IGF2BP2: variants seen among roughly 807,000 people sequenced by gnomAD.
IGF2BP2 encodes insulin like growth factor 2 mRNA binding protein 2.
A neutral mutation model predicts 75.8 loss-of-function variants in IGF2BP2; 17 were observed. That is an observed-to-expected ratio of 0.22 (90% CI 0.15 to 0.34). The LOEUF is 0.34. Among genes scored for constraint, IGF2BP2 ranks in the 10% least tolerant of loss-of-function variants. The probability of loss-of-function intolerance (pLI) is 1.00; values close to 1 mark genes in which losing one functional copy is unlikely to be tolerated. For missense variants in IGF2BP2, 516 were observed against 772.4 expected (o/e 0.67, Z 3.93); for synonymous variants, 288 against 295.6 (o/e 0.97, Z 0.26).
intron 5 of IGF2BP2, 73 bp downstream of exon 5, chr3:185,692,626 A>G: frequency 7.6e-7 from 1 of 1,316,788 alleles, no homozygotes; most frequent in Non-Finnish European, 1.1e-6. Context: ...AAACATTTAA[A>G]AACACAGAAC....
rs1008682121 is a variant in IGF2BP2 at position 185,824,120 on chromosome 3, G to A, written c.178+663C>T. Among the ~76,000 whole-genome samples, 18 of 152,028 alleles carry A rather than the reference G, an allele frequency of 1.2e-4. No homozygotes were observed. The East Asian group carries it at 1.6e-3, about 13-fold the overall frequency. ...GCGCTTGAGAGAGCAAGCGAGAGGG[G>A]ACTGAGGTTCGGGAAAGGACCGAGG... On this transcript the variant is annotated intron_variant, in intron 1 of 15. Coordinates refer to ENST00000382199, the MANE Select transcript of IGF2BP2 (RefSeq NM_006548.6).
At chr3:185,700,232 G>A (rs1413860059) in intron 2 of IGF2BP2, among the ~76,000 whole-genome samples, 1 of 152,088 alleles carries the variant, frequency 6.6e-6, no homozygotes, top group Non-Finnish European at 1.5e-5. Flanking sequence ...GAGGTACAGA[G>A]ATGGAAACAA....
chr3:185,732,003 G>A (rs900216075), intron 2 of IGF2BP2, among the ~76,000 whole-genome samples: 1 of 151,866 alleles, frequency 6.6e-6, no homozygotes, highest in Non-Finnish European at 1.5e-5. Context: ...AGATCATTCC[G>A]GACTTCTTGT....
intron 10 of IGF2BP2, among the ~76,000 whole-genome samples, chr3:185,670,265 C>T (rs1718311485): frequency 6.6e-6 from 1 of 152,202 alleles, no homozygotes; most frequent in African/African-American, 2.4e-5. Flanking sequence ...AACCTATTTT[C>T]AAGTTTAGAA....
intron 10 of IGF2BP2, among the ~76,000 whole-genome samples, chr3:185,661,549 A>G (rs532709376): frequency 7.3e-5 from 11 of 151,066 alleles, no homozygotes; most frequent in African/African-American, 2.7e-4. Context: ...AGGTGGGAGA[A>G]TCGCTTGAAC....
chr3:185,809,795 AT>A (rs1425477321), intron 2 of IGF2BP2, among the ~76,000 whole-genome samples: 1 of 152,220 alleles, frequency 6.6e-6, no homozygotes, highest in East Asian at 1.9e-4. Context: ...ATAAAAGTAA[AT>A]TTTTATTGAT....
intron 14 of IGF2BP2, among the ~76,000 whole-genome samples, chr3:185,648,033 C>A (rs1406290078): frequency 6.6e-6 from 1 of 152,254 alleles, no homozygotes; most frequent in Non-Finnish European, 1.5e-5. Flanking sequence ...GCAGTGTGTG[C>A]CCTGGAGCGC....
Position 185,657,181 on chromosome 3 carries a change from T to A in IGF2BP2, c.1386+105A>T, listed in dbSNP as rs973297641. 7 of 715,202 alleles carry A rather than the reference T, an allele frequency of 9.8e-6. No homozygotes were observed. In the African/African-American group the frequency reaches 1.0e-4, roughly 11 times the overall value. 44.3% of individuals were successfully genotyped at this position (715,202 alleles called of 1,614,324 possible). A position where few individuals can be genotyped will look rare whatever the true frequency, so the allele number is the denominator to read the frequency against. ...CAAATGTTCTAGATCTCTGTGGGACTCTGTCTCTGCATGGTGTGGCGCTGC... is the reference window on the plus strand; with the variant it reads ...CAAATGTTCTAGATCTCTGTGGGACACTGTCTCTGCATGGTGTGGCGCTGC... On this transcript the variant is annotated intron_variant, in intron 12 of 15. Coordinates refer to ENST00000382199, the MANE Select transcript of IGF2BP2 (RefSeq NM_006548.6).
intron 2 of IGF2BP2, among the ~76,000 whole-genome samples, chr3:185,742,130 T>A (rs868389826): frequency 1.2e-4 from 18 of 150,116 alleles, no homozygotes; most frequent in African/African-American, 2.2e-4. Context: ...TAAATTTTTT[T>A]AAAAAGTGAA....
intron 3 of IGF2BP2, among the ~76,000 whole-genome samples, chr3:185,697,156 A>G (rs1231835008): frequency 1.3e-5 from 2 of 152,206 alleles, no homozygotes; most frequent in African/African-American, 4.8e-5. Context: ...GCTGGAGTGC[A>G]GTGGCACCAT....
rs1381526480 is a variant in IGF2BP2, at chr3:185,644,368, A to G, written c.*1163T>C. ...TTTGCTGAATATTGATGGCTTATAC[A>G]CCAAAATGCAAAAAGACAAAATACA... On this transcript the variant is annotated 3_prime_UTR_variant, in exon 16 of 16. Transcript: ENST00000382199. 1 of 152,290 alleles carries G rather than the reference A, an allele frequency of 6.6e-6. No individual in the cohort carries two copies. The highest frequency in any genetic ancestry group is 1.5e-5 in the Non-Finnish European group (1 of 67,994). The allele number at this position is 152,290 out of a possible 1,614,324, so 9.4% of individuals were successfully genotyped here. A position where few individuals can be genotyped will look rare whatever the true frequency, so the allele number is the denominator to read the frequency against.
At chr3:185,783,667 C>G (rs1735497779) in intron 2 of IGF2BP2, among the ~76,000 whole-genome samples, 1 of 152,206 alleles carries the variant, frequency 6.6e-6, no homozygotes, top group African/African-American at 2.4e-5. Context: ...ACCAGTAGCT[C>G]AGCTATGCTT....
At chr3:185,662,440 T>C (rs1716601860) in intron 10 of IGF2BP2, among the ~76,000 whole-genome samples, 1 of 146,944 alleles carries the variant, frequency 6.8e-6, no homozygotes, top group African/African-American at 2.5e-5. Context: ...ATCATGCCAC[T>C]GCACTCCAGC....
intron 2 of IGF2BP2, among the ~76,000 whole-genome samples, chr3:185,818,044 T>G (rs1022878786): frequency 1.1e-4 from 17 of 152,366 alleles, no homozygotes; most frequent in African/African-American, 4.1e-4. Context: ...TAAAAATATA[T>G]TTTGAAATGT....
intron 2 of IGF2BP2, among the ~76,000 whole-genome samples, chr3:185,699,602 T>C (rs992599740): frequency 6.6e-6 from 1 of 152,234 alleles, no homozygotes; most frequent in Non-Finnish European, 1.5e-5. Flanking sequence ...ATGCAAATAA[T>C]AGCAAATGTG....
At chr3:185,750,691 C>T (rs1730847711) in intron 2 of IGF2BP2, among the ~76,000 whole-genome samples, 1 of 152,198 alleles carries the variant, frequency 6.6e-6, no homozygotes. Context: ...ACGTGCAATC[C>T]TCTGGGATTT....
intron 2 of IGF2BP2, among the ~76,000 whole-genome samples, chr3:185,740,477 G>A (rs1729399785): frequency 6.6e-6 from 1 of 152,154 alleles, no homozygotes; most frequent in Non-Finnish European, 1.5e-5. Context: ...AACAGAACTA[G>A]CCAAGAGTAT....
rs1713101320 is a variant in IGF2BP2 at position 185,644,064 on chromosome 3, T to C, written c.*1467A>G. On this transcript the variant is annotated 3_prime_UTR_variant, in exon 16 of 16. Transcript: ENST00000382199. ...AGCGGAAGACAATTCAGAACAGCTG[T>C]TGCACACTTGGACTGTCACCTTCTC... 2 of 152,480 alleles carry C rather than the reference T, an allele frequency of 1.3e-5. No individual in the cohort carries two copies. Among genetic ancestry groups the C allele is most frequent in the African/African-American group, 2.4e-5 (1 of 41,412 alleles). The allele number at this position is 152,480 out of a possible 1,614,324, so 9.4% of individuals were successfully genotyped here.
intron 2 of IGF2BP2, among the ~76,000 whole-genome samples, chr3:185,704,852 T>C (rs1404145606): frequency 6.6e-6 from 1 of 152,220 alleles, no homozygotes; most frequent in Non-Finnish European, 1.5e-5. Context: ...TTAGTCACTT[T>C]CTTTGTTGCA....
Sources: gnomAD v4.1 joint callset for allele counts (sites outside exome capture counted in the v4.1 genomes callset) on GRCh38, gnomAD v4.1.1 for gene constraint, MANE v1.5 for transcripts, NCBI Gene and HGNC (gene_info 2026-07-23, HGNC 2026-07-21) for gene names.